GAB3: variants seen among roughly 807,000 people sequenced by gnomAD.
GAB3 encodes the protein GRB2 associated binding protein 3.
GAB3 carries 12 observed loss-of-function variants against 40.4 expected under a neutral mutation model. The observed-to-expected ratio is 0.30, with a 90% CI of 0.19 to 0.48. The LOEUF is 0.48. Ranked by LOEUF, GAB3 falls within the 20% of genes least tolerant of loss-of-function variation. The pLI is 0.99. For missense variants in GAB3, 381 were observed against 461.9 expected, an observed-to-expected ratio of 0.82 and a Z score of 1.61; for synonymous variants, 154 against 176.7, an observed-to-expected ratio of 0.87 and a Z score of 1.02.
rs782283732 is a variant in GAB3, at chrX:154,720,329, T to C, written c.73-4000A>G. On this transcript the variant is annotated intron_variant, in intron 1 of 9. Coordinates refer to ENST00000424127, the MANE Select transcript of GAB3 (RefSeq NM_001081573.3). ...TGCCCGTCATTGAATGATGCATGATTGTGTAATAATTATAGTAGCTTGAAA... is the reference window on the plus strand; with the variant it reads ...TGCCCGTCATTGAATGATGCATGATCGTGTAATAATTATAGTAGCTTGAAA... Among the ~76,000 whole-genome samples, 33 of 112,162 alleles carry C rather than the reference T, an allele frequency of 2.9e-4. No homozygotes were observed. In the South Asian group the frequency reaches 0.012, roughly 40 times the overall value.
upstream of GAB3, chrX:154,751,427 T>C (rs2071617265): frequency 1.8e-5 from 10 of 555,793 alleles, no homozygotes; most frequent in Non-Finnish European, 2.2e-5. Context: ...CCATCCCCAA[T>C]CCGCCACGCC....
chrX:154,747,480 AT>A (rs2071545899), intron 1 of GAB3, among the ~76,000 whole-genome samples: 1 of 112,398 alleles, frequency 8.9e-6, no homozygotes, highest in African/African-American at 3.2e-5. Context: ...TAAATATAAA[AT>A]ATCTAAATAT....
intron 9 of GAB3, 30 bp from the exon 10 acceptor site, chrX:154,678,324 T>C (rs1569557090): frequency 1.4e-6 from 1 of 724,140 alleles, no homozygotes; most frequent in South Asian, 2.3e-5. Flanking sequence ...AGGTTTTCAT[T>C]ACATCTAACT....
chrX:154,750,237 T>C (rs1332410521), intron 1 of GAB3, among the ~76,000 whole-genome samples: 1 of 112,666 alleles, frequency 8.9e-6, no homozygotes, highest in African/African-American at 3.2e-5. Context: ...TAAGACCTTA[T>C]CGTGAGGACG....
intron 6 of GAB3, among the ~76,000 whole-genome samples, chrX:154,698,847 A>T (rs1371604012): frequency 8.9e-6 from 1 of 111,871 alleles, no homozygotes; most frequent in African/African-American, 3.2e-5. Flanking sequence ...TGAGTGATAA[A>T]CTGCATGTGA....
chrX:154,735,456 G>A (rs1603427689), intron 1 of GAB3, among the ~76,000 whole-genome samples: 1 of 111,974 alleles, frequency 8.9e-6, no homozygotes, highest in Non-Finnish European at 1.9e-5. Context: ...TCCCAGAATG[G>A]AGCCCATGGG....
chrX:154,679,996 C>A, intron 9 of GAB3, 136 bp downstream of exon 9: 1 of 468,905 alleles, frequency 2.1e-6, no homozygotes, highest in Non-Finnish European at 3.7e-6. Flanking sequence ...AGGATGAGGG[C>A]CGATTTTAAT....
chrX:154,690,892 A>G (rs1358131017), intron 8 of GAB3, among the ~76,000 whole-genome samples: 8 of 107,387 alleles, frequency 7.4e-5, no homozygotes, highest in Admixed American at 6.7e-4. Flanking sequence ...TAGAAATACC[A>G]TTTGACCCAG....
intron 4 of GAB3, among the ~76,000 whole-genome samples, chrX:154,707,905 A>G (rs1278565004): frequency 8.9e-6 from 1 of 112,556 alleles, no homozygotes; most frequent in Non-Finnish European, 1.9e-5. Flanking sequence ...AATAACATAA[A>G]AAATAGCAAA....
intron 5 of GAB3, 44 bp from the exon 6 acceptor site, chrX:154,699,557 G>A: frequency 1.8e-6 from 2 of 1,095,166 alleles, no homozygotes; most frequent in South Asian, 4.0e-5. Flanking sequence ...GACCAGTCAT[G>A]GAAACTGCTA....
At chrX:154,745,684 A>T (rs1460767872) in intron 1 of GAB3, among the ~76,000 whole-genome samples, 1 of 112,161 alleles carries the variant, frequency 8.9e-6, no homozygotes, top group African/African-American at 3.2e-5. Context: ...CAAAATAGAG[A>T]AAAGCCTTGA....
chrX:154,730,533 C>T (rs1325786059), intron 1 of GAB3, among the ~76,000 whole-genome samples: 2 of 112,197 alleles, frequency 1.8e-5, no homozygotes, highest in Non-Finnish European at 3.8e-5. Context: ...AAGCTGATCT[C>T]CCGTTCTCTG....
chrX:154,737,857 G>A (rs2071385687), intron 1 of GAB3, among the ~76,000 whole-genome samples: 1 of 111,579 alleles, frequency 9.0e-6, no homozygotes, highest in Admixed American at 9.5e-5. Flanking sequence ...GGGCATGGTG[G>A]CAGGCGCCAG....
At chrX:154,700,897 C>T (rs781790325) in intron 4 of GAB3, among the ~76,000 whole-genome samples, 6 of 110,987 alleles carry the variant, frequency 5.4e-5, no homozygotes, top group Non-Finnish European at 7.5e-5. Context: ...ACTTAAAATT[C>T]GACAACATCT....
chrX:154,749,986 C>T, intron 1 of GAB3, among the ~76,000 whole-genome samples: 1 of 113,126 alleles, frequency 8.8e-6, no homozygotes, highest in Non-Finnish European at 1.9e-5. Flanking sequence ...GGCTGAACCA[C>T]ATTTGGGGTG....
chrX:154,696,298 CAAAAAAAA>C (rs35105330), intron 7 of GAB3, among the ~76,000 whole-genome samples: 66 of 40,141 alleles, frequency 1.6e-3, no homozygotes, highest in South Asian at 6.7e-3. Flanking sequence ...TATCATTTAG[CAAAAAAAA>C]AAAAAAAAAA....
chrX:154,708,731 G>A (rs1393919851), intron 4 of GAB3, among the ~76,000 whole-genome samples: 1 of 112,002 alleles, frequency 8.9e-6, no homozygotes, highest in Non-Finnish European at 1.9e-5. Context: ...AGAGCATGTA[G>A]AGAAGAGAAC....
chrX:154,727,369 A>C (rs2071228011), intron 1 of GAB3, among the ~76,000 whole-genome samples: 3 of 112,642 alleles, frequency 2.7e-5, no homozygotes, highest in African/African-American at 9.7e-5. Flanking sequence ...CATCTCTCAG[A>C]GAGACCCTCT....
chrX:154,712,994 T>C (rs1237814616), intron 3 of GAB3, among the ~76,000 whole-genome samples: 3 of 112,479 alleles, frequency 2.7e-5, no homozygotes, highest in African/African-American at 9.7e-5. Context: ...GCTTCATCTT[T>C]CACAGTGGTT....
Sources: allele counts gnomAD v4.1 joint callset (sites outside exome capture counted in the v4.1 genomes callset), GRCh38; gene constraint gnomAD v4.1.1; transcripts MANE v1.5; gene names NCBI Gene and HGNC (gene_info 2026-07-23, HGNC 2026-07-21).